The following PLA2G5 variants were observed in gnomAD, a reference collection of about 807,000 sequenced individuals.
The protein encoded by PLA2G5 is phospholipase A2 group V.
PLA2G5 carries 12 observed loss-of-function variants against 15.9 expected under a neutral mutation model. That is an observed-to-expected ratio of 0.76 (90% CI 0.48 to 1.23). PLA2G5 has a LOEUF of 1.23. PLA2G5 is among the 50% of genes most tolerant of loss of function. The pLI, the probability that PLA2G5 is intolerant of heterozygous loss-of-function variation, is 0.00. For synonymous variants in PLA2G5, 71 were observed against 71.4 expected, an observed-to-expected ratio of 0.99 and a Z score of 0.03; for missense variants, 169 against 177.1, an observed-to-expected ratio of 0.95 and a Z score of 0.26.
chr1:20,047,165 CAT>C (rs548055169), intron 1 of PLA2G5, among the ~76,000 whole-genome samples: 307 of 152,252 alleles, frequency 2.0e-3, no homozygotes, highest in Non-Finnish European at 3.7e-3. Flanking sequence ...CCAGGAAACT[CAT>C]ATAAGGGCTG....
chr1:20,085,966 A>G lies in PLA2G5; in HGVS notation c.41-117A>G, dbSNP rs1324834245. 2.1e-5 allele frequency: 20 copies of G among 938,798 alleles called. No homozygotes were observed. The East Asian group carries it at 5.2e-4, about 24-fold the overall frequency. 58.2% of individuals were successfully genotyped at this position (938,798 alleles called of 1,614,324 possible). A position where few individuals can be genotyped will look rare whatever the true frequency, so the allele number is the denominator to read the frequency against. On this transcript the variant is annotated intron_variant, in intron 2 of 4. Coordinates refer to ENST00000375108, the MANE Select transcript of PLA2G5 (RefSeq NM_000929.3). ...CCCACTAATGGAGAGAATAAAAAAG[A>G]GACATGCAGGTCCCTCCAAGCCCTG... is the stretch of plus-strand genomic sequence containing the variant.
At position 20,086,184 on chromosome 1, in the gene PLA2G5, T is replaced by G. The variant is rs2100624994; in HGVS notation, c.142T>G (p.Cys48Gly). 1 of 1,614,150 alleles carries G rather than the reference T, an allele frequency of 6.2e-7. No individual in the cohort carries two copies. The highest frequency in any genetic ancestry group is 8.5e-7 in the Non-Finnish European group (1 of 1,180,010). The change falls in exon 3 of 5, where the codon TGC becomes GGC. Residue 48 changes from cysteine (C) to glycine (G), a missense_variant. Transcript: ENST00000375108. The stretch of plus-strand genomic sequence containing the variant: ...AAACTACGGCTTCTACGGCTGTTAC[T>G]GCGGCTGGGGCGGCCGAGGAACCCC... Reference protein sequence around the residue: ...LTNYGFYGCYCGWGGRGTPKD... With the variant: ...LTNYGFYGCYGGWGGRGTPKD...
chr1:20,033,258 G>A (rs2013063479), intron 1 of PLA2G5, among the ~76,000 whole-genome samples: 1 of 152,170 alleles, frequency 6.6e-6, no homozygotes, highest in Non-Finnish European at 1.5e-5. Flanking sequence ...TTCCGTTAAT[G>A]AACCACGTAG....
chr1:20,034,193 G>GT (rs1270297432), intron 1 of PLA2G5, among the ~76,000 whole-genome samples: 1 of 152,150 alleles, frequency 6.6e-6, no homozygotes, highest in Non-Finnish European at 1.5e-5. Flanking sequence ...TTGGAGGAGG[G>GT]TGTTAGGAGC....
intron 1 of PLA2G5, chr1:20,046,125 C>T (rs2013888184): frequency 6.6e-6 from 1 of 152,204 alleles, no homozygotes; most frequent in Admixed American, 6.5e-5. Flanking sequence ...AGTCTTCAGC[C>T]TGAGACCCAT....
intron 1 of PLA2G5, among the ~76,000 whole-genome samples, chr1:20,082,316 T>C (rs2016072137): frequency 6.6e-6 from 1 of 151,832 alleles, no homozygotes; most frequent in African/African-American, 2.4e-5. Context: ...GCACGCTCAG[T>C]GACCTGCCAG....
At chr1:20,049,476 A>G (rs1030361514) in intron 1 of PLA2G5, among the ~76,000 whole-genome samples, 78 of 152,120 alleles carry the variant, frequency 5.1e-4, no homozygotes, top group Admixed American at 5.1e-3. Context: ...CTGTGTCCCC[A>G]CCCAAATCTC....
chr1:20,042,543 G>A (rs2013666461), intron 1 of PLA2G5, among the ~76,000 whole-genome samples: 1 of 152,162 alleles, frequency 6.6e-6, no homozygotes. Flanking sequence ...GGATGAGTTA[G>A]GGAGATCTAG....
At chr1:20,058,618 C>T (rs1159088106) in intron 1 of PLA2G5, among the ~76,000 whole-genome samples, 1 of 152,072 alleles carries the variant, frequency 6.6e-6, no homozygotes, top group Admixed American at 6.6e-5. Context: ...TCATATGAGC[C>T]TTGAATTTAG....
intron 1 of PLA2G5, among the ~76,000 whole-genome samples, chr1:20,079,323 T>A (rs1430992781): frequency 6.6e-6 from 1 of 152,106 alleles, no homozygotes; most frequent in Non-Finnish European, 1.5e-5. Context: ...AAGAATTCAT[T>A]TAATCCTAAC....
chr1:20,029,491 C>T (rs187058236), intron 1 of PLA2G5, among the ~76,000 whole-genome samples: 59 of 152,268 alleles, frequency 3.9e-4, no homozygotes, highest in Non-Finnish European at 1.6e-4. Flanking sequence ...TGTGTGTCTG[C>T]CTGCTAGCGT....
At position 20,061,397 on chromosome 1, in the gene PLA2G5, C is replaced by A. The variant is rs7537688; in HGVS notation, n.337+1705C>A. On this transcript the variant is annotated intron_variant and non_coding_transcript_variant, in intron 2 of 6. Transcript: ENST00000460175. ...CTCAGGAGTTCGAGATCAGCTTGGGCAACCTAGGGAGACCGCATCTTTAGA... is the reference window on the plus strand; with the variant it reads ...CTCAGGAGTTCGAGATCAGCTTGGGAAACCTAGGGAGACCGCATCTTTAGA... Among the ~76,000 whole-genome samples, 251 of 152,028 alleles carry A rather than the reference C, an allele frequency of 1.7e-3. 2 individuals are homozygous for A. In the East Asian group the frequency reaches 0.037, roughly 22 times the overall value.
intron 1 of PLA2G5, chr1:20,076,896 T>C (rs2015719270): frequency 6.6e-6 from 1 of 152,250 alleles, no homozygotes; most frequent in African/African-American, 2.4e-5. Context: ...CAATGAGCTC[T>C]GGGTAATCCT....
chr1:20,030,344 A>G (rs1026913274), intron 1 of PLA2G5, among the ~76,000 whole-genome samples: 1 of 152,116 alleles, frequency 6.6e-6, no homozygotes, highest in African/African-American at 2.4e-5. Flanking sequence ...CTGTGCCTTG[A>G]TGTGAGAGTA....
Position 20,045,279 on chromosome 1 carries a change from C to T in PLA2G5, n.277-14353C>T, listed in dbSNP as rs185195463. Among the ~76,000 whole-genome samples, 368 of 152,190 alleles carry T rather than the reference C, an allele frequency of 2.4e-3. 2 individuals are homozygous for T. Among genetic ancestry groups the T allele is most frequent in the Non-Finnish European group, 4.4e-3 (300 of 67,994 alleles). ...CCAGAGAAAAGAGAGGGTAGAGACACGGAGAGAAGTGGTTGGTGGTGGTAC... is the reference window on the plus strand; with the variant it reads ...CCAGAGAAAAGAGAGGGTAGAGACATGGAGAGAAGTGGTTGGTGGTGGTAC... On this transcript the variant is annotated intron_variant and non_coding_transcript_variant, in intron 1 of 6. Coordinates refer to the PLA2G5 transcript ENST00000460175.
At chr1:20,040,685 TG>T (rs1159970338) in intron 1 of PLA2G5, among the ~76,000 whole-genome samples, 2 of 152,140 alleles carry the variant, frequency 1.3e-5, no homozygotes, top group African/African-American at 2.4e-5. Context: ...ACAAGTATTT[TG>T]TAAAAGGAAA....
intron 1 of PLA2G5, among the ~76,000 whole-genome samples, chr1:20,043,756 A>G (rs1388846508): frequency 6.6e-6 from 1 of 152,188 alleles, no homozygotes; most frequent in African/African-American, 2.4e-5. Context: ...GGGATTTTGA[A>G]GCTTGGCCGT....
chr1:20,081,287 C>T (rs970028429), intron 1 of PLA2G5, among the ~76,000 whole-genome samples: 17 of 151,854 alleles, frequency 1.1e-4, no homozygotes, highest in African/African-American at 2.7e-4. Flanking sequence ...CTCCACTCTT[C>T]GGGGCAGCCA....
chr1:20,076,474 AC>A lies in PLA2G5; in HGVS notation c.-11+6012del, dbSNP rs1376362539. ...ATCATTATGTCCTTACTGGGTCTCA[AC>A]CCTTTTTTGTAAAGAACACAGATTT... On this transcript the variant is annotated intron_variant, in intron 1 of 4. Transcript: ENST00000375108. Among the ~76,000 whole-genome samples, 15 of 152,158 alleles carry A rather than the reference AC, an allele frequency of 9.9e-5. 1 individual carries two copies. Among genetic ancestry groups the A allele is most frequent in the African/African-American group, 3.4e-4 (14 of 41,504 alleles).
Sources: gnomAD v4.1 joint callset for allele counts (sites outside exome capture counted in the v4.1 genomes callset) on GRCh38, gnomAD v4.1.1 for gene constraint, MANE v1.5 for transcripts, NCBI Gene and HGNC (gene_info 2026-07-23, HGNC 2026-07-21) for gene names.